RIMS1: variants seen among roughly 807,000 people sequenced by gnomAD.
The protein encoded by RIMS1 is regulating synaptic membrane exocytosis 1, also known as regulating synaptic membrane exocytosis protein 1.
RIMS1 carries 83 observed loss-of-function variants against 214.1 expected under a neutral mutation model. The observed-to-expected ratio is 0.39, with a 90% confidence interval of 0.32 to 0.47. The LOEUF (loss-of-function observed/expected upper bound fraction) is 0.47, where lower values mean the gene tolerates loss of function less well. RIMS1 is among the 20% of genes least tolerant of loss of function. RIMS1 has a pLI of 0.99. For synonymous variants in RIMS1, 793 were observed against 786.8 expected (o/e 1.01, Z -0.13); for missense variants, 2,050 against 2,161.8 (o/e 0.95, Z 1.03).
chr6:72,165,815 T>C (rs540464727), intron 4 of RIMS1, among the ~76,000 whole-genome samples: 30 of 152,146 alleles, frequency 2.0e-4, no homozygotes, highest in Middle Eastern at 3.4e-3. Context: ...AAAGGAACCA[T>C]GATGGGATGA....
At chr6:72,394,125 T>G (rs962414330) in intron 31 of RIMS1, among the ~76,000 whole-genome samples, 1 of 151,856 alleles carries the variant, frequency 6.6e-6, no homozygotes, top group Non-Finnish European at 1.5e-5. Flanking sequence ...GAACTAAAGA[T>G]AGCTGCAGCT....
chr6:72,214,825 G>A (rs542373580), intron 6 of RIMS1, among the ~76,000 whole-genome samples: 85 of 151,984 alleles, frequency 5.6e-4, no homozygotes, highest in Non-Finnish European at 9.1e-4. Context: ...GGGTTCAAGC[G>A]ATTCTCCTGC....
At chr6:71,909,957 C>T (rs192959554) in intron 1 of RIMS1, among the ~76,000 whole-genome samples, 10 of 152,202 alleles carry the variant, frequency 6.6e-5, no homozygotes, top group Non-Finnish European at 1.3e-4. Context: ...AGTCAACTCA[C>T]CTCTTTCTAA....
intron 4 of RIMS1, among the ~76,000 whole-genome samples, chr6:72,144,609 G>A (rs190541100): frequency 5.7e-4 from 86 of 151,414 alleles, no homozygotes; most frequent in Non-Finnish European, 1.1e-3. Context: ...AGCTCCCATG[G>A]TCTTCTTTTC....
At chr6:72,100,829 G>A (rs967361030) in intron 4 of RIMS1, among the ~76,000 whole-genome samples, 2 of 151,964 alleles carry the variant, frequency 1.3e-5, no homozygotes, top group Non-Finnish European at 2.9e-5. Flanking sequence ...ATACACTGCA[G>A]TGCATAATTA....
At chr6:72,215,961 T>G (rs1353930080) in intron 6 of RIMS1, among the ~76,000 whole-genome samples, 1 of 152,200 alleles carries the variant, frequency 6.6e-6, no homozygotes, top group Non-Finnish European at 1.5e-5. Context: ...AAATGAAAGA[T>G]GTTCCTAATT....
rs1823271226 is a variant in RIMS1, at chr6:72,047,077, GTTTTTAA to G, written c.246-49868_246-49862del. ...ACTGTTATATAGCCTAAAATGAAAT[GTTTTTAA>G]TTTACAGTGTCCTGTGTAAAGAAAC... On this transcript the variant is annotated intron_variant, in intron 2 of 33. Coordinates refer to ENST00000521978, the MANE Select transcript of RIMS1 (RefSeq NM_014989.7). 5.3e-5 allele frequency among the ~76,000 whole-genome samples: 8 copies of G among 152,180 alleles called. No homozygotes were observed. In the South Asian group the frequency reaches 1.5e-3, roughly 28 times the overall value.
intron 1 of RIMS1, among the ~76,000 whole-genome samples, chr6:71,895,306 G>A (rs1007237893): frequency 6.6e-6 from 1 of 152,180 alleles, no homozygotes; most frequent in Non-Finnish European, 1.5e-5. Flanking sequence ...AAAGTTGTAA[G>A]TTATTGGTGC....
chr6:72,315,344 T>C (rs1182127944), intron 28 of RIMS1, among the ~76,000 whole-genome samples: 2 of 152,232 alleles, frequency 1.3e-5, no homozygotes, highest in Non-Finnish European at 2.9e-5. Context: ...AAATCTATTT[T>C]CTCTAAGCAC....
Position 72,142,016 on chromosome 6 carries a change from A to G in RIMS1, c.472-37559A>G, listed in dbSNP as rs188620595. Among the ~76,000 whole-genome samples, 162 of 152,156 alleles carry G rather than the reference A, an allele frequency of 1.1e-3. 1 individual carries two copies. The highest frequency in any genetic ancestry group is 3.7e-3 in the African/African-American group (153 of 41,568). On this transcript the variant is annotated intron_variant, in intron 4 of 33. Coordinates refer to ENST00000521978, the MANE Select transcript of RIMS1 (RefSeq NM_014989.7). ...ATATTATGCTTTTAAAACATCTATT[A>G]AAAGTGACATACTGCATTTGTCTTA...
At chr6:71,998,475 C>T (rs1804156729) in intron 2 of RIMS1, among the ~76,000 whole-genome samples, 1 of 152,044 alleles carries the variant, frequency 6.6e-6, no homozygotes, top group Admixed American at 6.6e-5. Context: ...TATGGCATGT[C>T]TCCTCCATTA....
intron 29 of RIMS1, among the ~76,000 whole-genome samples, chr6:72,341,814 AT>A (rs771653485): frequency 1.4e-4 from 21 of 151,932 alleles, no homozygotes; most frequent in Non-Finnish European, 1.8e-4. Flanking sequence ...TTGGTAGATG[AT>A]TTGTTCTAAC....
chr6:72,396,554 C>A (rs2098779712), intron 31 of RIMS1, among the ~76,000 whole-genome samples: 1 of 151,924 alleles, frequency 6.6e-6, no homozygotes, highest in African/African-American at 2.4e-5. Context: ...AATAGGAAAA[C>A]CAAGACCCCT....
chr6:72,235,789 C>G (rs2807519), intron 8 of RIMS1, 61 bp downstream of exon 8: 1 of 799,624 alleles, frequency 1.3e-6, no homozygotes, highest in Non-Finnish European at 1.8e-6. Flanking sequence ...CTGCATTCAT[C>G]GGAGTTTCTG....
chr6:72,033,674 G>T (rs1181107972), intron 2 of RIMS1, among the ~76,000 whole-genome samples: 2 of 151,960 alleles, frequency 1.3e-5, no homozygotes, highest in Admixed American at 6.6e-5. Context: ...TAGAGACAGG[G>T]TTTCACCACG....
intron 2 of RIMS1, among the ~76,000 whole-genome samples, chr6:71,972,478 T>C (rs1260391444): frequency 2.0e-5 from 3 of 152,210 alleles, no homozygotes. Flanking sequence ...TATTCTATTA[T>C]GCAAGTCTAG....
At position 72,361,096 on chromosome 6, in the gene RIMS1, C is replaced by CTTTTTT. The variant is rs70994124; in HGVS notation, c.4366+27286_4366+27291dup. ...CTTCTGTAGGAACGGGTCTTTCTTT[C>CTTTTTT]TTTTTTTTTTTTTTTTTTTTTTTTT... is the stretch of plus-strand genomic sequence containing the variant. On this transcript the variant is annotated intron_variant, in intron 29 of 33. Transcript: ENST00000521978. Among the ~76,000 whole-genome samples, 146 of 54,450 alleles carry CTTTTTT rather than the reference C, an allele frequency of 2.7e-3. 4 individuals are homozygous for CTTTTTT. Among genetic ancestry groups the CTTTTTT allele is most frequent in the Non-Finnish European group, 3.4e-3 (100 of 29,056 alleles). 35.7% of individuals were successfully genotyped at this position (54,450 alleles called of 152,430 possible). A position where few individuals can be genotyped will look rare whatever the true frequency, so the allele number is the denominator to read the frequency against.
At chr6:72,366,721 A>C in intron 29 of RIMS1, 1 of 985,900 alleles carries the variant, frequency 1.0e-6, no homozygotes, top group Non-Finnish European at 1.2e-6. Flanking sequence ...GGAGAGAGAC[A>C]GAGAAGACAG....
At chr6:72,107,788 C>T (rs62408071) in intron 4 of RIMS1, among the ~76,000 whole-genome samples, 66 of 152,158 alleles carry the variant, frequency 4.3e-4, no homozygotes, top group Non-Finnish European at 6.5e-4. Context: ...GAAATAGGTT[C>T]GTTTCAATTC....
Sources: allele counts gnomAD v4.1 joint callset (sites outside exome capture counted in the v4.1 genomes callset), GRCh38; gene constraint gnomAD v4.1.1; transcripts MANE v1.5; gene names NCBI Gene and HGNC (gene_info 2026-07-23, HGNC 2026-07-21).